Variants in AUTS2 observed in about 807,000 individuals in gnomAD.
AUTS2 encodes activator of transcription and developmental regulator AUTS2.
Under a neutral mutation model 112.4 loss-of-function variants are expected in AUTS2, and 17 were observed. The ratio of observed to expected loss-of-function variants is 0.15; its 90% confidence interval spans 0.10 to 0.23. AUTS2 has a LOEUF of 0.23. Among genes scored for constraint, AUTS2 ranks in the 10% least tolerant of loss-of-function variants. The pLI is 1.00. For synonymous variants in AUTS2, 751 were observed against 702.7 expected, an observed-to-expected ratio of 1.07 and a Z score of -1.09; for missense variants, 1,510 against 1,701.6, an observed-to-expected ratio of 0.89 and a Z score of 1.98.
In AUTS2 at chr7:70,210,226, A is replaced by G. The variant is rs531124263; in HGVS notation, c.660+75655A>G. 7.9e-5 allele frequency among the ~76,000 whole-genome samples: 12 copies of G among 152,322 alleles called. No individual in the cohort carries two copies. In the South Asian group the frequency reaches 2.3e-3, roughly 29 times the overall value. The stretch of plus-strand genomic sequence containing the variant: ...GCAGCACTTTTCTGGGTAAAGTTTT[A>G]GCAATGCCTTCCTTCTAAAATGAAA... On this transcript the variant is annotated intron_variant, in intron 4 of 18. Transcript: ENST00000342771.
intron 4 of AUTS2, among the ~76,000 whole-genome samples, chr7:70,362,928 G>C (rs2129627458): frequency 1.3e-5 from 2 of 152,328 alleles, no homozygotes; most frequent in Admixed American, 1.3e-4. Context: ...TGCAGTAAGA[G>C]ACGGGTGTTA....
intron 1 of AUTS2, among the ~76,000 whole-genome samples, chr7:69,810,861 T>G (rs191748668): frequency 1.3e-5 from 2 of 152,282 alleles, no homozygotes. Flanking sequence ...CTAGAAAACA[T>G]AACGTGAAAT....
intron 1 of AUTS2, among the ~76,000 whole-genome samples, chr7:69,825,536 C>A (rs1285707839): frequency 6.6e-6 from 1 of 152,042 alleles, no homozygotes. Flanking sequence ...TGGAGCCATG[C>A]GGTTGTATTT....
At chr7:69,672,715 A>G (rs888353266) in intron 1 of AUTS2, among the ~76,000 whole-genome samples, 15 of 152,288 alleles carry the variant, frequency 9.8e-5, no homozygotes, top group African/African-American at 1.7e-4. Flanking sequence ...TTGTGGCACA[A>G]TTTGTTGGCC....
chr7:70,043,357 C>A (rs564019816), intron 2 of AUTS2, among the ~76,000 whole-genome samples: 3 of 151,966 alleles, frequency 2.0e-5, no homozygotes, highest in African/African-American at 7.2e-5. Context: ...AATACAGAAA[C>A]GTTGGACATA....
chr7:70,275,512 G>A (rs1314408287), intron 4 of AUTS2, among the ~76,000 whole-genome samples: 1 of 152,122 alleles, frequency 6.6e-6, no homozygotes, highest in African/African-American at 2.4e-5. Context: ...TAATGCCACT[G>A]ACCATATACT....
chr7:70,765,039 C>A (rs758059365), intron 8 of AUTS2, 34 bp downstream of exon 8: 3 of 1,610,234 alleles, frequency 1.9e-6, no homozygotes, highest in Admixed American at 1.7e-5. Context: ...GTGACCCCGA[C>A]CCCCACCGCC....
chr7:70,459,037 A>G (rs1796859765), intron 5 of AUTS2, among the ~76,000 whole-genome samples: 1 of 152,194 alleles, frequency 6.6e-6, no homozygotes, highest in African/African-American at 2.4e-5. Context: ...GACTCTCTTC[A>G]TTATTAGCTG....
chr7:69,625,873 G>C (rs1360460615), intron 1 of AUTS2, among the ~76,000 whole-genome samples: 1 of 151,720 alleles, frequency 6.6e-6, no homozygotes, highest in Non-Finnish European at 1.5e-5. Flanking sequence ...GAAAAGAAAA[G>C]AAAAAGACAG....
At chr7:70,461,871 G>A (rs759962620) in intron 5 of AUTS2, among the ~76,000 whole-genome samples, 7 of 151,902 alleles carry the variant, frequency 4.6e-5, no homozygotes, top group South Asian at 2.1e-4. Flanking sequence ...CTGACTCTGC[G>A]TCAATCAGAG....
intron 5 of AUTS2, among the ~76,000 whole-genome samples, chr7:70,676,305 A>G (rs920142789): frequency 6.6e-6 from 1 of 151,554 alleles, no homozygotes. Flanking sequence ...GGTGGTGCGT[A>G]CCTGTAGCCC....
chr7:70,585,859 TG>T (rs1563058162), intron 5 of AUTS2, among the ~76,000 whole-genome samples: 8 of 900 alleles, frequency 8.9e-3, no homozygotes, highest in Non-Finnish European at 0.041. Context: ...TATTTATTTA[TG>T]TATGTATATA....
intron 4 of AUTS2, among the ~76,000 whole-genome samples, chr7:70,186,007 A>C (rs1208858825): frequency 2.0e-5 from 3 of 152,236 alleles, no homozygotes. Flanking sequence ...GTCCATTTTG[A>C]AAGAGATAAT....
intron 2 of AUTS2, among the ~76,000 whole-genome samples, chr7:70,107,215 C>T (rs1804810250): frequency 6.6e-6 from 1 of 151,888 alleles, no homozygotes; most frequent in South Asian, 2.1e-4. Context: ...TCAGTGATAG[C>T]ACATTTTGAA....
chr7:70,574,110 T>C (rs537791820), intron 5 of AUTS2, among the ~76,000 whole-genome samples: 9 of 152,218 alleles, frequency 5.9e-5, no homozygotes, highest in Middle Eastern at 3.4e-3. Flanking sequence ...CCTGTTCCCC[T>C]ACCCCCATAG....
intron 1 of AUTS2, among the ~76,000 whole-genome samples, chr7:69,713,189 G>A (rs1220905958): frequency 1.3e-5 from 2 of 152,092 alleles, no homozygotes; most frequent in African/African-American, 4.8e-5. Context: ...TTAAATCAGG[G>A]TATTTAGCAT....
At chr7:70,605,020 TC>T (rs1803656593) in intron 5 of AUTS2, among the ~76,000 whole-genome samples, 1 of 152,244 alleles carries the variant, frequency 6.6e-6, no homozygotes, top group South Asian at 2.1e-4. Flanking sequence ...ATGCCCTTAA[TC>T]TTTTCTTGTG....
chr7:69,817,219 G>T (rs1790801219), intron 1 of AUTS2, among the ~76,000 whole-genome samples: 1 of 152,206 alleles, frequency 6.6e-6, no homozygotes, highest in Admixed American at 6.5e-5. Flanking sequence ...ATAGTAAAGG[G>T]ATTGCTAAGA....
chr7:70,750,754 C>T (rs1053862561), intron 6 of AUTS2, among the ~76,000 whole-genome samples: 1 of 152,230 alleles, frequency 6.6e-6, no homozygotes, highest in Non-Finnish European at 1.5e-5. Context: ...AGCCTCTTTT[C>T]TAAATGGGTC....
Sources: allele counts gnomAD v4.1 joint callset (sites outside exome capture counted in the v4.1 genomes callset), GRCh38; gene constraint gnomAD v4.1.1; transcripts MANE v1.5; gene names NCBI Gene and HGNC (gene_info 2026-07-23, HGNC 2026-07-21).